The following STX8 variants were observed in gnomAD, a reference collection of about 807,000 sequenced individuals.
STX8 encodes the protein syntaxin-8.
Under a neutral mutation model 37.5 loss-of-function variants are expected in STX8, and 23 were observed. The ratio of observed to expected loss-of-function variants is 0.61; its 90% CI spans 0.44 to 0.87. The LOEUF (loss-of-function observed/expected upper bound fraction) is 0.87, where lower values mean the gene tolerates loss of function less well. Among genes scored for constraint, STX8 ranks in the 40% least tolerant of loss-of-function variants. The pLI is 0.00. For synonymous variants in STX8, 115 were observed against 99.1 expected (o/e 1.16, Z -0.95); for missense variants, 313 against 284.7 (o/e 1.10, Z -0.71).
At chr17:9,385,395 A>C (rs1911961168) in intron 6 of STX8, among the ~76,000 whole-genome samples, 1 of 152,238 alleles carries the variant, frequency 6.6e-6, no homozygotes, top group Admixed American at 6.5e-5. Flanking sequence ...AGAATGGTAG[A>C]AAATATTTGT....
chr17:9,306,578 C>G (rs902393616), intron 7 of STX8, among the ~76,000 whole-genome samples: 3 of 144,374 alleles, frequency 2.1e-5, no homozygotes, highest in Non-Finnish European at 3.0e-5. Flanking sequence ...GGTGAAAACC[C>G]GTCTCTACTA....
At chr17:9,256,189 G>A (rs7225758) in intron 7 of STX8, among the ~76,000 whole-genome samples, 6,830 of 152,266 alleles carry the variant, frequency 0.045, 485 homozygotes, top group African/African-American at 0.15. Flanking sequence ...GCCCTCTGGC[G>A]GGTAAGAGGA....
At chr17:9,355,783 C>T (rs1910861505) in intron 7 of STX8, among the ~76,000 whole-genome samples, 1 of 152,194 alleles carries the variant, frequency 6.6e-6, no homozygotes, top group Non-Finnish European at 1.5e-5. Context: ...GCTGGGATTA[C>T]AGGCGTGAGC....
intron 7 of STX8, among the ~76,000 whole-genome samples, chr17:9,339,948 C>A (rs536721282): frequency 2.8e-4 from 42 of 152,346 alleles, no homozygotes; most frequent in Admixed American, 1.1e-3. Context: ...CTTGTATGAG[C>A]ATGATTGTGG....
At chr17:9,302,313 G>A (rs1300392815) in intron 7 of STX8, among the ~76,000 whole-genome samples, 1 of 151,752 alleles carries the variant, frequency 6.6e-6, no homozygotes, top group Admixed American at 6.6e-5. Flanking sequence ...AAAATACTTG[G>A]CAGACATTTG....
intron 5 of STX8, among the ~76,000 whole-genome samples, chr17:9,499,543 C>A (rs555876108): frequency 6.6e-6 from 1 of 152,106 alleles, no homozygotes; most frequent in African/African-American, 2.4e-5. Context: ...GGACTACAGG[C>A]GCCCGCCACG....
At position 9,362,077 on chromosome 17, in the gene STX8, TC is replaced by T. The variant is rs1030651858; in HGVS notation, c.643+16474del. 3.2e-4 allele frequency among the ~76,000 whole-genome samples: 48 copies of T among 152,284 alleles called. 1 individual carries two copies. The highest frequency in any genetic ancestry group is 1.0e-3 in the African/African-American group (43 of 41,506). On this transcript the variant is annotated intron_variant, in intron 7 of 7. Coordinates refer to ENST00000306357, the MANE Select transcript of STX8 (RefSeq NM_004853.3). ...TGGACGCAGTGGCTCATGCCTGTAA[TC>T]CCAGCACCTTGGGAGGCTGAAGTGG...
intron 4 of STX8, among the ~76,000 whole-genome samples, chr17:9,511,272 A>T (rs1905010999): frequency 6.6e-6 from 1 of 152,174 alleles, no homozygotes; most frequent in Non-Finnish European, 1.5e-5. Flanking sequence ...GGCCAGAATA[A>T]CCCTGATATC....
At chr17:9,431,777 G>T (rs892813063) in intron 6 of STX8, among the ~76,000 whole-genome samples, 1 of 152,154 alleles carries the variant, frequency 6.6e-6, no homozygotes, top group Non-Finnish European at 1.5e-5. Flanking sequence ...TAACATCATG[G>T]TGTTAAGACC....
chr17:9,454,543 G>T (rs919636040), intron 6 of STX8, among the ~76,000 whole-genome samples: 1 of 152,072 alleles, frequency 6.6e-6, no homozygotes, highest in Non-Finnish European at 1.5e-5. Context: ...AGCCAGGCCT[G>T]GTGGCAGGCG....
intron 6 of STX8, among the ~76,000 whole-genome samples, chr17:9,388,959 A>T (rs1912114003): frequency 6.6e-6 from 1 of 152,236 alleles, no homozygotes; most frequent in Admixed American, 6.5e-5. Flanking sequence ...TCCATAAAAT[A>T]ACCATTCCTT....
chr17:9,449,071 C>A (rs968462990), intron 6 of STX8, among the ~76,000 whole-genome samples: 10 of 152,238 alleles, frequency 6.6e-5, no homozygotes, highest in Admixed American at 6.5e-4. Context: ...AATCCAGCCA[C>A]CTTAGAAACA....
chr17:9,390,084 C>A (rs952137825), intron 6 of STX8, among the ~76,000 whole-genome samples: 1 of 152,218 alleles, frequency 6.6e-6, no homozygotes, highest in African/African-American at 2.4e-5. Flanking sequence ...ACAGGGAAAG[C>A]TCCTTTGCCT....
At chr17:9,375,063 C>CAAA (rs58594029) in intron 7 of STX8, among the ~76,000 whole-genome samples, 255 of 63,456 alleles carry the variant, frequency 4.0e-3, no homozygotes, top group Non-Finnish European at 4.4e-3. Context: ...GACTCTGTCT[C>CAAA]AAAAAAAAAA....
intron 1 of STX8, among the ~76,000 whole-genome samples, chr17:9,571,011 C>A (rs1482085598): frequency 1.3e-5 from 2 of 151,978 alleles, no homozygotes. Flanking sequence ...CCCTGGAAGC[C>A]TGTTAAGTAT....
chr17:9,442,572 AATTTTTTGT>A (rs1489010286), intron 6 of STX8, among the ~76,000 whole-genome samples: 2 of 152,138 alleles, frequency 1.3e-5, no homozygotes, highest in South Asian at 2.1e-4. Context: ...ACGCCTGGCT[AATTTTTTGT>A]ATTTTTTGTA....
intron 6 of STX8, among the ~76,000 whole-genome samples, chr17:9,449,228 A>G (rs1904955584): frequency 6.6e-6 from 1 of 152,206 alleles, no homozygotes; most frequent in South Asian, 2.1e-4. Context: ...CAAAACTGCC[A>G]CAAACTGAAA....
chr17:9,510,409 T>A lies in STX8; in HGVS notation c.324-5247A>T, dbSNP rs554922899. On this transcript the variant is annotated intron_variant, in intron 4 of 7. Coordinates refer to ENST00000306357, the MANE Select transcript of STX8 (RefSeq NM_004853.3). The stretch of plus-strand genomic sequence containing the variant: ...CAAGTCTCAAAAATTTTTTTAGAAA[T>A]TGAAATCATACCAAGTATCCTATTT... Among the ~76,000 whole-genome samples the A allele has an allele frequency of 3.9e-5, 6 of 152,260 alleles. No homozygotes were observed. In the South Asian group the frequency reaches 1.2e-3, roughly 32 times the overall value.
intron 6 of STX8, among the ~76,000 whole-genome samples, chr17:9,487,416 T>C (rs1470215059): frequency 6.6e-6 from 1 of 151,970 alleles, no homozygotes; most frequent in Non-Finnish European, 1.5e-5. Context: ...GCAGCCCCAT[T>C]CTTAACACCT....
Sources: gnomAD v4.1 joint callset for allele counts (sites outside exome capture counted in the v4.1 genomes callset) on GRCh38, gnomAD v4.1.1 for gene constraint, MANE v1.5 for transcripts, NCBI Gene and HGNC (gene_info 2026-07-23, HGNC 2026-07-21) for gene names.